The following SOX5 variants were observed in gnomAD, a reference collection of about 807,000 sequenced individuals.
The protein encoded by SOX5 is SRY-box transcription factor 5.
SOX5 carries 9 observed loss-of-function variants against 92.0 expected under a neutral mutation model. The ratio of observed to expected loss-of-function variants is 0.10; its 90% CI spans 0.06 to 0.17. The LOEUF is 0.17. Ranked by LOEUF, SOX5 falls within the 10% of genes least tolerant of loss-of-function variation. The pLI is 1.00. For synonymous variants in SOX5, 344 were observed against 336.3 expected, an observed-to-expected ratio of 1.02 and a Z score of -0.25; for missense variants, 642 against 944.5, an observed-to-expected ratio of 0.68 and a Z score of 4.20.
At chr12:24,104,451 T>C (rs1179223940) in intron 4 of SOX5, among the ~76,000 whole-genome samples, 1 of 152,176 alleles carries the variant, frequency 6.6e-6, no homozygotes, top group Admixed American at 6.5e-5. Context: ...AATCTGACAT[T>C]ATACAGATTC....
chr12:24,186,633 A>T (rs1956041525), intron 4 of SOX5, among the ~76,000 whole-genome samples: 1 of 152,166 alleles, frequency 6.6e-6, no homozygotes, highest in African/African-American at 2.4e-5. Context: ...TGTGATATGA[A>T]AATCAAGTAT....
intron 9 of SOX5, among the ~76,000 whole-genome samples, chr12:23,597,515 TA>T (rs1046714733): frequency 3.9e-5 from 6 of 152,188 alleles, no homozygotes; most frequent in Non-Finnish European, 1.5e-5. Context: ...GTTCTGTTGA[TA>T]ACATTTCATT....
At chr12:24,361,206 T>C (rs2136176167) in intron 2 of SOX5, among the ~76,000 whole-genome samples, 1 of 152,254 alleles carries the variant, frequency 6.6e-6, no homozygotes, top group East Asian at 1.9e-4. Flanking sequence ...TACATGACCA[T>C]TACAACAACA....
chr12:24,479,491 GT>G (rs1327091237), intron 1 of SOX5, among the ~76,000 whole-genome samples: 1 of 152,152 alleles, frequency 6.6e-6, no homozygotes, highest in Non-Finnish European at 1.5e-5. Context: ...CTAAAGAGAG[GT>G]TAAATAACTC....
chr12:23,628,402 C>T (rs1347782016), intron 8 of SOX5, among the ~76,000 whole-genome samples: 1 of 152,068 alleles, frequency 6.6e-6, no homozygotes, highest in East Asian at 1.9e-4. Context: ...AGTTCTGCTT[C>T]ACTCCATAAA....
intron 2 of SOX5, among the ~76,000 whole-genome samples, chr12:23,886,241 G>A (rs1214367474): frequency 1.3e-5 from 2 of 152,030 alleles, no homozygotes; most frequent in African/African-American, 4.8e-5. Flanking sequence ...GAATATGATT[G>A]TCAAAATATG....
chr12:23,836,771 T>C (rs1333364874), intron 3 of SOX5, among the ~76,000 whole-genome samples: 1 of 151,990 alleles, frequency 6.6e-6, no homozygotes, highest in Non-Finnish European at 1.5e-5. Flanking sequence ...AACCTGCTGT[T>C]CATTTTAATG....
chr12:24,034,926 G>T (rs563114538), intron 4 of SOX5, among the ~76,000 whole-genome samples: 5 of 152,174 alleles, frequency 3.3e-5, no homozygotes, highest in Admixed American at 3.3e-4. Context: ...TAATAGAGCT[G>T]TTTTAAGTTT....
intron 1 of SOX5, among the ~76,000 whole-genome samples, chr12:23,926,728 A>G (rs999961013): frequency 6.6e-6 from 1 of 152,100 alleles, no homozygotes; most frequent in African/African-American, 2.4e-5. Context: ...TGTTTATTTA[A>G]TAGTGTCAAA....
chr12:24,459,053 A>G (rs1566216209), intron 1 of SOX5, among the ~76,000 whole-genome samples: 2 of 152,200 alleles, frequency 1.3e-5, no homozygotes, highest in Admixed American at 6.5e-5. Context: ...CCAAAACTCT[A>G]TAAGCCAAGA....
chr12:23,731,197 G>T (rs2093378957), intron 6 of SOX5, among the ~76,000 whole-genome samples: 1 of 152,194 alleles, frequency 6.6e-6, no homozygotes, highest in African/African-American at 2.4e-5. Context: ...TGGCCTTGGA[G>T]TGAAAGTTGT....
chr12:24,078,643 T>A (rs1367302822), intron 4 of SOX5, among the ~76,000 whole-genome samples: 1 of 152,030 alleles, frequency 6.6e-6, no homozygotes, highest in African/African-American at 2.4e-5. Flanking sequence ...GGGAGTCTGC[T>A]TGGGAGAACT....
chr12:24,000,380 A>T (rs143985679), intron 4 of SOX5, among the ~76,000 whole-genome samples: 185 of 152,150 alleles, frequency 1.2e-3, no homozygotes, highest in Non-Finnish European at 2.3e-3. Flanking sequence ...ATTTCTTAGT[A>T]TATATGTAAA....
At chr12:23,666,220 AG>A (rs1484955422) in intron 6 of SOX5, among the ~76,000 whole-genome samples, 1 of 152,072 alleles carries the variant, frequency 6.6e-6, no homozygotes, top group Non-Finnish European at 1.5e-5. Flanking sequence ...ATCCTGCTAC[AG>A]ATTCCCTGTA....
At chr12:23,546,059 A>G (rs1183413744) in intron 12 of SOX5, among the ~76,000 whole-genome samples, 1 of 152,016 alleles carries the variant, frequency 6.6e-6, no homozygotes, top group Non-Finnish European at 1.5e-5. Flanking sequence ...CCTGGGGAAA[A>G]TGCTTCAAAA....
chr12:24,319,545 GCTATTTT>G (rs1950015486), intron 2 of SOX5, among the ~76,000 whole-genome samples: 1 of 152,048 alleles, frequency 6.6e-6, no homozygotes, highest in South Asian at 2.1e-4. Flanking sequence ...TATTCTCACT[GCTATTTT>G]CTTTCTCCAA....
chr12:24,354,914 G>A (rs1954608175), intron 2 of SOX5, among the ~76,000 whole-genome samples: 1 of 151,914 alleles, frequency 6.6e-6, no homozygotes, highest in African/African-American at 2.4e-5. Context: ...GGATGAGAGG[G>A]GAGATTCTTT....
chr12:23,802,142 C>T (rs1178080871), intron 3 of SOX5, among the ~76,000 whole-genome samples: 2 of 152,098 alleles, frequency 1.3e-5, no homozygotes, highest in African/African-American at 2.4e-5. Flanking sequence ...GGTGCGATCT[C>T]GGCTCACTGC....
intron 9 of SOX5, among the ~76,000 whole-genome samples, chr12:23,579,842 G>C (rs1949792174): frequency 6.6e-6 from 1 of 152,102 alleles, no homozygotes; most frequent in Admixed American, 6.5e-5. Flanking sequence ...AATTGAAAAA[G>C]ATACTATTTC....
Sources: gnomAD v4.1 joint callset for allele counts (sites outside exome capture counted in the v4.1 genomes callset) on GRCh38, gnomAD v4.1.1 for gene constraint, MANE v1.5 for transcripts, NCBI Gene and HGNC (gene_info 2026-07-23, HGNC 2026-07-21) for gene names.